TNKS1BP1: variants seen among roughly 807,000 people sequenced by gnomAD.
TNKS1BP1 encodes CCR4-NOT transcription complex subunit 12, also known as 182 kDa tankyrase-1-binding protein.
TNKS1BP1 carries 48 observed loss-of-function variants against 141.1 expected under a neutral mutation model. The ratio of observed to expected loss-of-function variants is 0.34; its 90% CI spans 0.27 to 0.43. The LOEUF is 0.43. Ranked by LOEUF, TNKS1BP1 falls within the 20% of genes least tolerant of loss-of-function variation. The pLI is 1.00. For synonymous variants in TNKS1BP1, 875 were observed against 898.2 expected, an observed-to-expected ratio of 0.97 and a Z score of 0.46; for missense variants, 2,149 against 2,226.0, an observed-to-expected ratio of 0.97 and a Z score of 0.70.
Position 57,309,022 on chromosome 11 carries a change from T to C in TNKS1BP1, c.3689A>G (p.Asp1230Gly). The C allele has an allele frequency of 6.2e-7, 1 of 1,614,092 alleles. No individual in the cohort carries two copies. Among genetic ancestry groups the C allele is most frequent in the Non-Finnish European group, 8.5e-7 (1 of 1,180,008 alleles). The change falls in exon 6 of 12, where the codon GAT becomes GGT. Residue 1230 changes from aspartate (D) to glycine (G), a missense_variant. Coordinates refer to ENST00000358252, the MANE Select transcript of TNKS1BP1 (RefSeq NM_033396.3). This position sits in a 1 kb window ranked among gnomAD's most constrained non-coding sequence, Gnocchi z 4.3. Reference protein sequence around the residue: ...IGVGEKDWTSDVNVKSKDLAE... With the variant: ...IGVGEKDWTSGVNVKSKDLAE... ...CAAATCTTTGCTCTTCACATTAACA[T>C]CAGAAGTCCAGTCCTTCTCCCCAAC...
chr11:57,309,862 T>C lies in TNKS1BP1; in HGVS notation c.2849A>G (p.Gln950Arg), dbSNP rs761552372. The change falls in exon 6 of 12, where the codon CAG (glutamine) becomes CGG (arginine). Residue 950 changes from glutamine to arginine, a missense_variant. Coordinates refer to ENST00000358252, the MANE Select transcript of TNKS1BP1 (RefSeq NM_033396.3). The surrounding 1 kb of genome is among the most constrained non-coding windows in gnomAD (Gnocchi z 4.3). ...YGSRAAEPQE[Q>R]EFGKSAWIRD... ...TATCCAAGCGCTCTTCCCAAACTCC[T>C]GTTCCTGTGGCTCCGCAGCCCGGCT... 1.9e-6 allele frequency: 3 copies of C among 1,614,104 alleles called. No homozygotes were observed.
chr11:57,323,399 G>A (rs1335450750), intron 1 of TNKS1BP1, among the ~76,000 whole-genome samples: 7 of 152,186 alleles, frequency 4.6e-5, no homozygotes, highest in Admixed American at 2.0e-4. Flanking sequence ...CATGCAAGGC[G>A]GAAGTTTCCC....
intron 6 of TNKS1BP1, among the ~76,000 whole-genome samples, 188 bp downstream of exon 6, chr11:57,308,207 C>A (rs898602893): frequency 6.6e-6 from 1 of 152,228 alleles, no homozygotes; most frequent in African/African-American, 2.4e-5. Flanking sequence ...AAGGAACTCA[C>A]CTGTATGTGT....
chr11:57,303,983 C>T (rs1343757763), intron 6 of TNKS1BP1, among the ~76,000 whole-genome samples: 3 of 152,144 alleles, frequency 2.0e-5, no homozygotes, highest in Admixed American at 2.0e-4. Context: ...GACACATTCA[C>T]ATTCATCACC....
intron 4 of TNKS1BP1, 32 bp from the exon 5 acceptor site, chr11:57,313,921 C>G: frequency 6.8e-7 from 1 of 1,467,044 alleles, no homozygotes; most frequent in Non-Finnish European, 9.0e-7. Context: ...AGATCCGTCA[C>G]TCACCTCTCA....
intron 6 of TNKS1BP1, among the ~76,000 whole-genome samples, chr11:57,303,788 G>A (rs1183303911): frequency 6.6e-6 from 1 of 152,150 alleles, no homozygotes; most frequent in East Asian, 1.9e-4. Flanking sequence ...CAGGGCTCAC[G>A]CCTGTAATTC....
intron 4 of TNKS1BP1, among the ~76,000 whole-genome samples, chr11:57,316,442 C>G (rs1331660667): frequency 2.0e-5 from 3 of 152,148 alleles, no homozygotes; most frequent in Non-Finnish European, 4.4e-5. Context: ...ATCCGCTTGA[C>G]GTTTCCACAT....
At chr11:57,304,760 CT>C in intron 6 of TNKS1BP1, among the ~76,000 whole-genome samples, 2 of 147,888 alleles carry the variant, frequency 1.4e-5, no homozygotes, top group South Asian at 4.3e-4. Flanking sequence ...ATCCCAGCTT[CT>C]TGGGGGAGAC....
chr11:57,315,521 G>A (rs913802072), intron 4 of TNKS1BP1, among the ~76,000 whole-genome samples: 7 of 152,020 alleles, frequency 4.6e-5, no homozygotes, highest in Non-Finnish European at 1.5e-5. Flanking sequence ...ACACACAATC[G>A]TGACAGCTGG....
intron 5 of TNKS1BP1, 67 bp downstream of exon 5, chr11:57,312,467 G>T: frequency 7.2e-7 from 1 of 1,390,470 alleles, no homozygotes; most frequent in South Asian, 2.1e-5. Flanking sequence ...CATGTTCAAA[G>T]AATGAAGCCC....
intron 5 of TNKS1BP1, among the ~76,000 whole-genome samples, chr11:57,310,822 A>C (rs1273704203): frequency 2.6e-5 from 4 of 152,200 alleles, no homozygotes; most frequent in Non-Finnish European, 4.4e-5. Flanking sequence ...CTTGGCATGC[A>C]GTGGGCACTC....
Position 57,313,003 on chromosome 11 carries a change from G to A in TNKS1BP1, c.1685C>T (p.Pro562Leu). Residue 562 changes from proline to leucine, a missense_variant, in exon 5 of 12, where the codon CCT (proline) becomes CTT (leucine). Coordinates refer to ENST00000358252, the MANE Select transcript of TNKS1BP1 (RefSeq NM_033396.3). ...LTQKGDGESQ[P>L]QFPAVPLEPL... ...CTCAAGGGGAACAGCTGGGAATTGAGGTTGACTCTCCCCATCGCCCTTCTG... is the reference window on the plus strand; with the variant it reads ...CTCAAGGGGAACAGCTGGGAATTGAAGTTGACTCTCCCCATCGCCCTTCTG... 2 of 1,613,968 alleles carry A rather than the reference G, an allele frequency of 1.2e-6. No individual in the cohort carries two copies. Among genetic ancestry groups the A allele is most frequent in the Non-Finnish European group, 1.7e-6 (2 of 1,180,032 alleles).
chr11:57,303,004 G>A (rs1011080462), intron 6 of TNKS1BP1, 179 bp from the exon 7 acceptor site: 4 of 687,534 alleles, frequency 5.8e-6, no homozygotes, highest in Non-Finnish European at 8.7e-6. Context: ...CAGGTGAAGA[G>A]CTGAGCCAGT....
intron 4 of TNKS1BP1, among the ~76,000 whole-genome samples, chr11:57,316,955 A>AGGTG (rs1855808881): frequency 6.6e-6 from 1 of 152,050 alleles, no homozygotes; most frequent in Admixed American, 6.6e-5. Flanking sequence ...GTTGGTCCTC[A>AGGTG]CTACCACCTA....
At position 57,309,604 on chromosome 11, in the gene TNKS1BP1, G is replaced by A. The variant is rs747045370; in HGVS notation, c.3107C>T (p.Pro1036Leu). 4.0e-5 allele frequency: 65 copies of A among 1,613,722 alleles called. 2 individuals are homozygous for A. In the South Asian group the frequency reaches 4.9e-4, roughly 12 times the overall value. Residue 1036 changes from proline (P) to leucine (L), a missense_variant, in exon 6 of 12, where the codon CCG becomes CTG. Coordinates refer to ENST00000358252, the MANE Select transcript of TNKS1BP1 (RefSeq NM_033396.3). The surrounding 1 kb of genome is among the most constrained non-coding windows in gnomAD (Gnocchi z 4.3). ...GTCTCTCTGCCCGAGTGCCCCATCC[G>A]GCACGTGGGCAGTGCTAGGACTGAA... ...GLFSPSTAHV[P>L]DGALGQRDQS...
intron 6 of TNKS1BP1, 35 bp downstream of exon 6, chr11:57,308,360 C>A: frequency 6.3e-7 from 1 of 1,575,884 alleles, no homozygotes; most frequent in South Asian, 1.2e-5. Context: ...TTCACATGTT[C>A]CCTCCCACAC....
chr11:57,319,101 C>T (rs1487061839), intron 3 of TNKS1BP1, among the ~76,000 whole-genome samples: 3 of 148,914 alleles, frequency 2.0e-5, no homozygotes, highest in Non-Finnish European at 4.4e-5. Flanking sequence ...GCCGAGATTG[C>T]GCCACTGCAC....
chr11:57,310,873 T>C (rs1424251967), intron 5 of TNKS1BP1, among the ~76,000 whole-genome samples: 1 of 152,180 alleles, frequency 6.6e-6, no homozygotes, highest in Non-Finnish European at 1.5e-5. Context: ...TCTTGGGCAA[T>C]ACTTGGCTAA....
At chr11:57,315,194 C>T (rs953368367) in intron 4 of TNKS1BP1, among the ~76,000 whole-genome samples, 8 of 152,044 alleles carry the variant, frequency 5.3e-5, no homozygotes, top group Non-Finnish European at 1.2e-4. Context: ...GTGGCTGCAA[C>T]CTCTGCATCA....
Sources: gnomAD v4.1 joint callset for allele counts (sites outside exome capture counted in the v4.1 genomes callset) on GRCh38, gnomAD v4.1.1 for gene constraint, Gnocchi (gnomAD v3.1) non-coding constraint, MANE v1.5 for transcripts, NCBI Gene and HGNC (gene_info 2026-07-23, HGNC 2026-07-21) for gene names.